The following SDCCAG8 variants were observed in gnomAD, a reference collection of about 807,000 sequenced individuals.
The protein encoded by SDCCAG8 is serologically defined colon cancer antigen 8.
A neutral mutation model predicts 101.8 loss-of-function variants in SDCCAG8; 74 were observed. The ratio of observed to expected loss-of-function variants is 0.73; its 90% CI spans 0.60 to 0.88. The LOEUF (loss-of-function observed/expected upper bound fraction) is 0.88, where lower values mean the gene tolerates loss of function less well. Ranked by LOEUF, SDCCAG8 falls within the 40% of genes least tolerant of loss-of-function variation. The pLI is 0.00. For missense variants in SDCCAG8, 787 were observed against 822.6 expected, an observed-to-expected ratio of 0.96 and a Z score of 0.53; for synonymous variants, 281 against 292.9, an observed-to-expected ratio of 0.96 and a Z score of 0.41.
At chr1:243,261,458 G>C (rs572726955) in intron 1 of SDCCAG8, among the ~76,000 whole-genome samples, 111 of 152,314 alleles carry the variant, frequency 7.3e-4, no homozygotes, top group African/African-American at 2.5e-3. Context: ...TTGTCTTTAC[G>C]AATTGATGTA....
At chr1:243,314,170 A>G (rs2073026966) in intron 8 of SDCCAG8, among the ~76,000 whole-genome samples, 1 of 152,362 alleles carries the variant, frequency 6.6e-6, no homozygotes, top group Non-Finnish European at 1.5e-5. Flanking sequence ...CAAGCTTCCC[A>G]GGTGGGCTCA....
At chr1:243,453,729 G>A (rs1574131529) in intron 16 of SDCCAG8, among the ~76,000 whole-genome samples, 1 of 152,148 alleles carries the variant, frequency 6.6e-6, no homozygotes, top group African/African-American at 2.4e-5. Context: ...TTAAAATCAG[G>A]TAATTCAGCC....
intron 13 of SDCCAG8, among the ~76,000 whole-genome samples, chr1:243,410,696 T>C (rs2080110306): frequency 6.6e-6 from 1 of 152,186 alleles, no homozygotes; most frequent in Non-Finnish European, 1.5e-5. Context: ...CATTAGAAAA[T>C]GTACTTTAAA....
chr1:243,402,602 C>G (rs1426369048), intron 13 of SDCCAG8, among the ~76,000 whole-genome samples: 1 of 152,230 alleles, frequency 6.6e-6, no homozygotes, highest in South Asian at 2.1e-4. Context: ...TTGATCCAAC[C>G]TAGCCATATT....
At chr1:243,325,655 C>G (rs1339293343) in intron 9 of SDCCAG8, among the ~76,000 whole-genome samples, 1 of 152,006 alleles carries the variant, frequency 6.6e-6, no homozygotes, top group Non-Finnish European at 1.5e-5. Context: ...TGTGGAACTA[C>G]CTTGGATAAA....
chr1:243,439,622 TCACACACACACACACACACACA>T, intron 16 of SDCCAG8, among the ~76,000 whole-genome samples: 1 of 120,202 alleles, frequency 8.3e-6, no homozygotes, highest in Admixed American at 8.4e-5. Flanking sequence ...TGAGACTCCA[TCACACACACACACACACACACA>T]CACACACACA....
intron 13 of SDCCAG8, among the ~76,000 whole-genome samples, chr1:243,389,154 C>CG (rs1042348398): frequency 1.3e-5 from 2 of 149,646 alleles, no homozygotes; most frequent in Non-Finnish European, 1.5e-5. Flanking sequence ...CCCCCCTCCC[C>CG]CCCCCAAAAA....
intron 17 of SDCCAG8, among the ~76,000 whole-genome samples, chr1:243,499,471 T>G (rs10927029): frequency 6.6e-6 from 1 of 152,148 alleles, no homozygotes; most frequent in East Asian, 1.9e-4. Flanking sequence ...TCTCTGGCCA[T>G]GTCCTAACAC....
chr1:243,320,082 C>A (rs1302263038), intron 9 of SDCCAG8, among the ~76,000 whole-genome samples: 2 of 152,150 alleles, frequency 1.3e-5, no homozygotes, highest in East Asian at 3.8e-4. Flanking sequence ...TCTGCTGCCC[C>A]TTCTGTATTC....
chr1:243,462,430 G>T (rs568142744), intron 16 of SDCCAG8, among the ~76,000 whole-genome samples: 2 of 152,240 alleles, frequency 1.3e-5, no homozygotes. Context: ...TGAAGGTAAG[G>T]ACAGTAACCA....
intron 9 of SDCCAG8, among the ~76,000 whole-genome samples, chr1:243,327,439 TA>T (rs2074262467): frequency 6.8e-6 from 1 of 147,092 alleles, no homozygotes; most frequent in South Asian, 2.1e-4. Context: ...AATTATAATT[TA>T]TAATTTTGTA....
chr1:243,335,616 T>TA (rs1407198292), intron 10 of SDCCAG8, among the ~76,000 whole-genome samples: 1 of 152,214 alleles, frequency 6.6e-6, no homozygotes, highest in East Asian at 1.9e-4. Context: ...GCACATTTTT[T>TA]ATGTATCATT....
intron 5 of SDCCAG8, among the ~76,000 whole-genome samples, chr1:243,288,336 T>C (rs558397073): frequency 1.3e-5 from 2 of 151,758 alleles, no homozygotes; most frequent in African/African-American, 4.8e-5. Flanking sequence ...TAGCCGAGCA[T>C]GCTGATGTAC....
chr1:243,475,349 A>G (rs1445294233), intron 16 of SDCCAG8, among the ~76,000 whole-genome samples: 1 of 151,984 alleles, frequency 6.6e-6, no homozygotes, highest in Non-Finnish European at 1.5e-5. Flanking sequence ...GCTCACCAGG[A>G]GTGGGGGCTG....
intron 4 of SDCCAG8, among the ~76,000 whole-genome samples, chr1:243,275,398 A>G (rs796470535): frequency 5.3e-5 from 8 of 151,780 alleles, no homozygotes; most frequent in Non-Finnish European, 1.0e-4. Flanking sequence ...TATATATAGT[A>G]TATGATATTA....
At chr1:243,434,146 T>C (rs2081982349) in intron 16 of SDCCAG8, among the ~76,000 whole-genome samples, 1 of 152,258 alleles carries the variant, frequency 6.6e-6, no homozygotes, top group South Asian at 2.1e-4. Context: ...GTTAACCCCC[T>C]ACGGTGCAGT....
chr1:243,293,141 C>A lies in SDCCAG8; in HGVS notation c.597C>A (p.Gly199=), dbSNP rs143407309. 577 of 1,613,926 alleles carry A rather than the reference C, an allele frequency of 3.6e-4. 2 individuals carry two copies. The highest frequency in any genetic ancestry group is 4.7e-4 in the Non-Finnish European group (559 of 1,179,984). The change falls in exon 6 of 18, where the codon GGC becomes GGA. Residue 199 remains glycine, a synonymous_variant. Coordinates refer to ENST00000366541, the MANE Select transcript of SDCCAG8 (RefSeq NM_006642.5). ...WITTGEDSGV[G]ETSKRPFSHD... The stretch of plus-strand genomic sequence containing the variant: ...CAACAGGTGAAGATTCTGGGGTGGG[C>A]GAAACCTCCAAAAGACCATTTTCCC...
At chr1:243,470,436 G>A (rs1397389600) in intron 16 of SDCCAG8, among the ~76,000 whole-genome samples, 2 of 151,380 alleles carry the variant, frequency 1.3e-5, no homozygotes, top group Non-Finnish European at 2.9e-5. Context: ...GTTACAAATG[G>A]CCAGATTTCA....
chr1:243,440,937 T>C (rs2082494128), intron 16 of SDCCAG8, among the ~76,000 whole-genome samples: 1 of 152,214 alleles, frequency 6.6e-6, no homozygotes, highest in African/African-American at 2.4e-5. Flanking sequence ...TGATGATCTA[T>C]TCCTGGTGAT....
Sources: allele counts gnomAD v4.1 joint callset (sites outside exome capture counted in the v4.1 genomes callset), GRCh38; gene constraint gnomAD v4.1.1; transcripts MANE v1.5; gene names NCBI Gene and HGNC (gene_info 2026-07-23, HGNC 2026-07-21).